Variants in TAMM41 observed in about 807,000 individuals in gnomAD.
TAMM41 encodes the protein TAM41 mitochondrial translocator assembly and maintenance homolog.
TAMM41 carries 36 observed loss-of-function variants against 44.1 expected under a neutral mutation model. The ratio of observed to expected loss-of-function variants is 0.82; its 90% CI spans 0.63 to 1.08. The LOEUF is 1.08. TAMM41 is among the 50% of genes least tolerant of loss of function. The pLI is 0.00. For missense variants in TAMM41, 417 were observed against 404.3 expected, an observed-to-expected ratio of 1.03 and a Z score of -0.27; for synonymous variants, 164 against 153.1, an observed-to-expected ratio of 1.07 and a Z score of -0.53.
At chr3:11,739,810 G>T in the TAMM41 span, among the ~76,000 whole-genome samples, 1 of 151,806 alleles carries the variant, frequency 6.6e-6, no homozygotes, top group South Asian at 2.1e-4. Flanking sequence ...GGTTCCCAGA[G>T]ACTCAAATAA....
intron 7 of TAMM41, among the ~76,000 whole-genome samples, chr3:11,800,978 G>A (rs1288098136): frequency 6.6e-6 from 1 of 151,834 alleles, no homozygotes; most frequent in Non-Finnish European, 1.5e-5. Context: ...TGTGGTCCCA[G>A]CTACTCAGGA....
chr3:11,768,987 G>A, the TAMM41 span, among the ~76,000 whole-genome samples: 54 of 152,308 alleles, frequency 3.5e-4, no homozygotes, highest in East Asian at 0.01. Context: ...CATCAGGCAC[G>A]GCCTGGTCAA....
the TAMM41 span, among the ~76,000 whole-genome samples, chr3:11,771,615 C>T: frequency 6.6e-6 from 1 of 151,908 alleles, no homozygotes; most frequent in Non-Finnish European, 1.5e-5. Context: ...GAGTTTAGCT[C>T]TTTGTTGCCC....
the TAMM41 span, among the ~76,000 whole-genome samples, chr3:11,725,764 A>G: frequency 6.6e-6 from 1 of 152,076 alleles, no homozygotes; most frequent in Non-Finnish European, 1.5e-5. Flanking sequence ...CCACTAATCC[A>G]TAGAAATGAT....
chr3:11,794,169 C>A (rs75215784), intron 7 of TAMM41, among the ~76,000 whole-genome samples: 10 of 143,292 alleles, frequency 7.0e-5, no homozygotes, highest in African/African-American at 2.8e-4. Context: ...TTTTTTTTTA[C>A]TCTGTCGCCC....
chr3:11,749,344 T>TAGTCA, the TAMM41 span, among the ~76,000 whole-genome samples: 4 of 152,196 alleles, frequency 2.6e-5, no homozygotes, highest in African/African-American at 9.6e-5. Flanking sequence ...CTAGAGTCCA[T>TAGTCA]AATCATTTGA....
At chr3:11,732,989 GTTTTT>G in the TAMM41 span, among the ~76,000 whole-genome samples, 9 of 128,464 alleles carry the variant, frequency 7.0e-5, no homozygotes, top group Non-Finnish European at 1.1e-4. Context: ...TATGATTTGA[GTTTTT>G]TTTTTGTTTG....
intron 7 of TAMM41, 122 bp downstream of exon 7, chr3:11,807,711 A>G: frequency 5.9e-6 from 9 of 1,536,242 alleles, no homozygotes; most frequent in Non-Finnish European, 7.8e-6. Flanking sequence ...ATCCCAGTTT[A>G]TGGCCATCAA....
chr3:11,764,561 C>T, the TAMM41 span, among the ~76,000 whole-genome samples: 3 of 131,976 alleles, frequency 2.3e-5, 1 homozygote, highest in South Asian at 7.2e-4. Context: ...GGCGCGATCT[C>T]GGCTCACTGC....
At chr3:11,778,928 T>C in the TAMM41 span, among the ~76,000 whole-genome samples, 14 of 152,228 alleles carry the variant, frequency 9.2e-5, no homozygotes, top group Admixed American at 2.0e-4. Flanking sequence ...TTTCACTTTT[T>C]TGAGGGCGTC....
At chr3:11,730,651 T>TTGAACC in the TAMM41 span, among the ~76,000 whole-genome samples, 2 of 150,552 alleles carry the variant, frequency 1.3e-5, no homozygotes, top group Admixed American at 1.3e-4. Context: ...AGAGAATCAC[T>TTGAACC]TGAACCTGGG....
At chr3:11,805,059 A>G in intron 7 of TAMM41, among the ~76,000 whole-genome samples, 1 of 134,024 alleles carries the variant, frequency 7.5e-6, no homozygotes. Context: ...GGCCAGAGGC[A>G]GTGGCACAAT....
At chr3:11,801,063 C>T (rs565438330) in intron 7 of TAMM41, among the ~76,000 whole-genome samples, 13 of 149,742 alleles carry the variant, frequency 8.7e-5, no homozygotes, top group Non-Finnish European at 1.6e-4. Flanking sequence ...CTGCACTCCA[C>T]CCTGGGCAAC....
chr3:11,820,970 G>A (rs553107796), intron 4 of TAMM41, among the ~76,000 whole-genome samples: 1 of 152,310 alleles, frequency 6.6e-6, no homozygotes, highest in Non-Finnish European at 1.5e-5. Flanking sequence ...ACAGTACAGC[G>A]GCAAGGCCCT....
At chr3:11,825,410 T>C (rs1575677288) in intron 4 of TAMM41, among the ~76,000 whole-genome samples, 1 of 152,104 alleles carries the variant, frequency 6.6e-6, no homozygotes, top group East Asian at 1.9e-4. Flanking sequence ...GGCAGTCAGC[T>C]CCCATATGCT....
At chr3:11,791,238 G>A (rs980829743) in intron 7 of TAMM41, among the ~76,000 whole-genome samples, 3 of 152,178 alleles carry the variant, frequency 2.0e-5, no homozygotes, top group Admixed American at 2.0e-4. Context: ...ACAGGACCCA[G>A]AACACAGCAG....
At chr3:11,754,498 C>A in the TAMM41 span, among the ~76,000 whole-genome samples, 1 of 151,942 alleles carries the variant, frequency 6.6e-6, no homozygotes, top group African/African-American at 2.4e-5. Context: ...CTCAGCCTCT[C>A]GAGTAGCTGG....
chr3:11,830,047 G>C, intron 3 of TAMM41, 183 bp from the exon 4 acceptor site: 1 of 550,006 alleles, frequency 1.8e-6, no homozygotes, highest in Non-Finnish European at 3.2e-6. Context: ...TTTATGCCAA[G>C]GTCAAAGAAA....
At position 11,790,580 on chromosome 3, in the gene TAMM41, G is replaced by A. The variant is rs773349413; in HGVS notation, c.939C>T (p.Gly313=). Residue 313 remains glycine, a splice_region_variant and synonymous_variant, in exon 8 of 8, where the codon GGC becomes GGT. Coordinates refer to ENST00000455809, the MANE Select transcript of TAMM41 (RefSeq NM_001284401.2). ...AACTATAAATCACTGACTTCTTCAG[G>A]CCTAAAAGAGAAAAGATGAGAAAGT... ...RQSTKGIFTA[G]LKKSVIYSSL... 2 of 1,612,620 alleles carry A rather than the reference G, an allele frequency of 1.2e-6. No homozygotes were observed. The highest frequency in any genetic ancestry group is 1.7e-6 in the Non-Finnish European group (2 of 1,179,086).
Sources: allele counts gnomAD v4.1 joint callset (sites outside exome capture counted in the v4.1 genomes callset), GRCh38; gene constraint gnomAD v4.1.1; transcripts MANE v1.5; gene names NCBI Gene and HGNC (gene_info 2026-07-23, HGNC 2026-07-21).